ST7: variants seen among roughly 807,000 people sequenced by gnomAD.
ST7 encodes the protein suppressor of tumorigenicity 7 protein.
Under a neutral mutation model 78.7 loss-of-function variants are expected in ST7, and 28 were observed. The ratio of observed to expected loss-of-function variants is 0.36; its 90% confidence interval spans 0.26 to 0.49. The LOEUF (loss-of-function observed/expected upper bound fraction) is 0.49. ST7 is among the 20% of genes least tolerant of loss of function. ST7 has a pLI of 0.99. For synonymous variants in ST7, 247 were observed against 249.6 expected (o/e 0.99, Z 0.10); for missense variants, 418 against 696.0 (o/e 0.60, Z 4.49).
At chr7:117,073,835 G>A (rs1799150842) in intron 1 of ST7, 1 of 152,192 alleles carries the variant, frequency 6.6e-6, no homozygotes, top group Admixed American at 6.5e-5. Flanking sequence ...CAGCTTCCAG[G>A]AATCAGGAAC....
At chr7:117,021,980 A>C (rs1795940803) in intron 1 of ST7, among the ~76,000 whole-genome samples, 1 of 152,184 alleles carries the variant, frequency 6.6e-6, no homozygotes, top group Non-Finnish European at 1.5e-5. Context: ...GACAGAAATA[A>C]TTATATACTA....
intron 1 of ST7, among the ~76,000 whole-genome samples, chr7:117,015,533 T>C (rs578082627): frequency 2.1e-3 from 323 of 152,350 alleles, no homozygotes; most frequent in Non-Finnish European, 3.1e-3. Flanking sequence ...TTCTGACCTT[T>C]CTAACCTTTT....
At chr7:117,134,390 T>C (rs138884703) in intron 7 of ST7, among the ~76,000 whole-genome samples, 198 bp downstream of exon 7, 2 of 152,100 alleles carry the variant, frequency 1.3e-5, no homozygotes, top group African/African-American at 4.8e-5. Flanking sequence ...CTTCTATTGC[T>C]CTCTCCTTTT....
At chr7:117,158,661 G>C (rs1228467570) in intron 9 of ST7, among the ~76,000 whole-genome samples, 1 of 152,114 alleles carries the variant, frequency 6.6e-6, no homozygotes, top group African/African-American at 2.4e-5. Flanking sequence ...ACTAGTGTAT[G>C]TTTAGGCCTC....
In ST7 at chr7:117,077,023, A is replaced by G. The variant is rs992578504; in HGVS notation, c.152-22739A>G. 3.9e-5 allele frequency among the ~76,000 whole-genome samples: 6 copies of G among 152,224 alleles called. No individual in the cohort carries two copies. In the East Asian group the frequency reaches 1.2e-3, roughly 29 times the overall value. On this transcript the variant is annotated intron_variant, in intron 1 of 15. Transcript: ENST00000323984. ...ATGATGAAAGTGGCTCTCAGTGGAAAGGGGAGCTGAAAAGGGGACAGGGGG... is the reference window on the plus strand; with the variant it reads ...ATGATGAAAGTGGCTCTCAGTGGAAGGGGGAGCTGAAAAGGGGACAGGGGG...
intron 1 of ST7, chr7:116,968,707 A>G (rs1793266626): frequency 5.9e-6 from 1 of 170,700 alleles, no homozygotes. Context: ...AATGCAAAGT[A>G]AAATGTGTAG....
intron 9 of ST7, among the ~76,000 whole-genome samples, chr7:117,155,297 A>G (rs767016335): frequency 9.2e-5 from 14 of 152,188 alleles, no homozygotes; most frequent in Non-Finnish European, 2.1e-4. Context: ...TCAGAATGAG[A>G]TGAATTTGAA....
intron 9 of ST7, among the ~76,000 whole-genome samples, chr7:117,159,607 A>T (rs900304788): frequency 3.3e-5 from 5 of 152,214 alleles, no homozygotes; most frequent in Non-Finnish European, 5.9e-5. Flanking sequence ...TCAAAGCTTG[A>T]TATGGGGACT....
chr7:117,056,621 C>T (rs192938122), intron 1 of ST7, among the ~76,000 whole-genome samples: 14 of 150,776 alleles, frequency 9.3e-5, no homozygotes, highest in Admixed American at 5.3e-4. Flanking sequence ...GCAACAAGAG[C>T]GAAACTCCGT....
intron 12 of ST7, among the ~76,000 whole-genome samples, chr7:117,191,314 A>G (rs954974079): frequency 6.6e-6 from 1 of 152,226 alleles, no homozygotes; most frequent in Non-Finnish European, 1.5e-5. Flanking sequence ...CTGGTAAAAA[A>G]AAAATACTAA....
chr7:117,209,904 G>T lies in ST7; in HGVS notation c.1372G>T (p.Ala458Ser). The change falls in exon 13 of 16, where the codon GCT becomes TCT. Residue 458 changes from alanine to serine, a missense_variant. Ala to Ser is a moderately conservative substitution (Grantham distance 99). This residue lies in a region of ST7 where 288 missense variants were observed against 537.1 expected (regional missense o/e 0.54). Transcript: ENST00000323984. The part of the protein sequence containing the change: ...HLAHWKRVEG[A>S]LNLLHCTWEG... ...TGCACACTGGAAGAGAGTGGAAGGG[G>T]CTTTGAATCTTTTGCATTGTACGTG... 3 of 1,613,948 alleles carry T rather than the reference G, an allele frequency of 1.9e-6. 1 individual carries two copies. In the South Asian group the frequency reaches 3.3e-5, roughly 18 times the overall value.
chr7:117,121,994 A>G (rs1481450213), intron 3 of ST7, among the ~76,000 whole-genome samples: 2 of 152,132 alleles, frequency 1.3e-5, no homozygotes, highest in Non-Finnish European at 2.9e-5. Context: ...CTTAAAAATT[A>G]TAATGCAATT....
At chr7:116,980,159 A>G (rs1414516049) in intron 1 of ST7, among the ~76,000 whole-genome samples, 1 of 151,758 alleles carries the variant, frequency 6.6e-6, no homozygotes, top group African/African-American at 2.4e-5. Flanking sequence ...GAGTTTCGCC[A>G]TGTTGGCCAG....
chr7:117,204,997 G>A (rs1784919853), intron 12 of ST7, among the ~76,000 whole-genome samples: 1 of 152,200 alleles, frequency 6.6e-6, no homozygotes, highest in Non-Finnish European at 1.5e-5. Context: ...GAGCCCAGGA[G>A]TTCAAGGCTG....
At chr7:117,045,466 A>C (rs746903623) in intron 1 of ST7, among the ~76,000 whole-genome samples, 1 of 151,932 alleles carries the variant, frequency 6.6e-6, no homozygotes, top group Non-Finnish European at 1.5e-5. Context: ...CTTTCTCCAT[A>C]TCTGCATGGC....
chr7:117,214,027 A>AT (rs1792494610), intron 13 of ST7, among the ~76,000 whole-genome samples: 1 of 152,052 alleles, frequency 6.6e-6, no homozygotes, highest in Non-Finnish European at 1.5e-5. Flanking sequence ...CTGGGGCCCT[A>AT]TTTTAAATGG....
rs562315595 is a variant in ST7 at position 116,969,062 on chromosome 7, A to G, written c.151+15371A>G. On this transcript the variant is annotated intron_variant, in intron 1 of 15. Transcript: ENST00000323984. ...ATTTAACGTTTGTTAACATTTCGCC[A>G]CAAGTGTTCATATTGCTTTCTCTCT... Among the ~76,000 whole-genome samples the G allele has an allele frequency of 2.0e-4, 31 of 152,376 alleles. No homozygotes were observed. The South Asian group carries it at 5.4e-3, about 26-fold the overall frequency.
intron 3 of ST7, among the ~76,000 whole-genome samples, chr7:117,127,184 T>C (rs991283020): frequency 6.6e-6 from 1 of 151,838 alleles, no homozygotes; most frequent in African/African-American, 2.4e-5. Flanking sequence ...TAAATCTGAT[T>C]TGAAATAAGG....
At chr7:117,094,095 C>T (rs1051508829) in intron 1 of ST7, among the ~76,000 whole-genome samples, 1 of 152,120 alleles carries the variant, frequency 6.6e-6, no homozygotes, top group African/African-American at 2.4e-5. Flanking sequence ...TATTTGGATC[C>T]ATGTTAATTT....
Sources: gnomAD v4.1 joint callset for allele counts (sites outside exome capture counted in the v4.1 genomes callset) on GRCh38, gnomAD v4.1.1 for gene constraint, gnomAD v4.1.1 regional missense constraint, MANE v1.5 for transcripts, NCBI Gene and HGNC (gene_info 2026-07-23, HGNC 2026-07-21) for gene names.